COL18A1: variants seen among roughly 807,000 people sequenced by gnomAD.
The protein encoded by COL18A1 is collagen type XVIII alpha 1 chain.
A neutral mutation model predicts 168.0 loss-of-function variants in COL18A1; 133 were observed. The observed-to-expected ratio is 0.79, with a 90% CI of 0.69 to 0.91. The LOEUF is 0.91. Among genes scored for constraint, COL18A1 ranks in the 40% least tolerant of loss-of-function variants. The probability of loss-of-function intolerance (pLI) is 0.00; values close to 1 mark genes in which losing one functional copy is unlikely to be tolerated. For synonymous variants in COL18A1, 949 were observed against 809.0 expected (o/e 1.17, Z -2.94); for missense variants, 2,126 against 1,925.4 (o/e 1.10, Z -1.95).
rs764295559 is a variant in COL18A1, at chr21:45,504,506, CCCCCCG to C, written c.2819_2824del (p.Pro940_Gly942delinsArg). 239 of 1,396,402 alleles carry C rather than the reference CCCCCCG, an allele frequency of 1.7e-4. 2 individuals are homozygous for C. The African/African-American group carries it at 6.5e-3, about 38-fold the overall frequency. 86.5% of individuals were successfully genotyped at this position (1,396,402 alleles called of 1,614,324 possible). On this transcript the variant is annotated inframe_deletion, in exon 34 of 42. Coordinates refer to ENST00000651438, the MANE Select transcript of COL18A1 (RefSeq NM_001379500.1). The stretch of plus-strand genomic sequence containing the variant: ...TTTCTTCGGCTCCAGCCTGCCCGGC[CCCCCCG>C]GCCCCCCAGGCCCCCCAGGCCCACG...
intron 2 of COL18A1, among the ~76,000 whole-genome samples, chr21:45,427,501 C>T (rs1282227884): frequency 1.3e-5 from 2 of 152,294 alleles, no homozygotes; most frequent in African/African-American, 4.8e-5. Context: ...CCATGGGCTC[C>T]GCCTCCCCCA....
Position 45,490,776 on chromosome 21 carries a change from CGGGGGGCCA to C in COL18A1, c.2032-55_2032-47del, listed in dbSNP as rs1204009796. On this transcript the variant is annotated intron_variant, in intron 20 of 41. Coordinates refer to ENST00000651438, the MANE Select transcript of COL18A1 (RefSeq NM_001379500.1). ...ACATCTTCATCAGAGCCATCCCTCA[CGGGGGGCCA>C]GGGGCTCCTGTTTCTGTTGGTGATG... The C allele has an allele frequency of 6.6e-6, 10 of 1,518,516 alleles. No homozygotes were observed. In the East Asian group the frequency reaches 2.0e-4, roughly 30 times the overall value. The allele number at this position is 1,518,516 out of a possible 1,614,324, so 94.1% of individuals were successfully genotyped here.
At position 45,443,517 on chromosome 21, in the gene COL18A1, G is replaced by A. The variant is rs1439671607; in HGVS notation, c.107-24725G>A. ...CTGGCCACCCAGAGCTAGGAGCCTC[G>A]GCCAAGGGCTCCCTCCTTGCACTGT... On this transcript the variant is annotated intron_variant, in intron 2 of 41. Coordinates refer to ENST00000651438, the MANE Select transcript of COL18A1 (RefSeq NM_001379500.1). The surrounding 1 kb of genome is among the most constrained non-coding windows in gnomAD (Gnocchi z 5.2). Among the ~76,000 whole-genome samples, 3 of 152,136 alleles carry A rather than the reference G, an allele frequency of 2.0e-5. No homozygotes were observed. The highest frequency in any genetic ancestry group is 2.9e-5 in the Non-Finnish European group (2 of 67,998).
rs749507428 is a variant in COL18A1 at position 45,505,383 on chromosome 21, C to T, written c.3039C>T (p.Gly1013=). 59 of 1,584,936 alleles carry T rather than the reference C, an allele frequency of 3.7e-5. No homozygotes were observed. Among genetic ancestry groups the T allele is most frequent in the Non-Finnish European group, 5.1e-5 (59 of 1,157,776 alleles). The part of the protein sequence containing the change: ...RQTISVPGPP[G]PPGPPGPPGT... ...CTATCAGCGTTCCCGGCCCTCCGGG[C>T]CCCCCTGGGCCCCCTGGGCCCCCTG... Residue 1013 remains glycine, a synonymous_variant, in exon 36 of 42, where the codon GGC becomes GGT. Coordinates refer to ENST00000651438, the MANE Select transcript of COL18A1 (RefSeq NM_001379500.1).
chr21:45,416,723 G>C (rs2033458465), intron 2 of COL18A1, among the ~76,000 whole-genome samples: 1 of 152,184 alleles, frequency 6.6e-6, no homozygotes, highest in Admixed American at 6.5e-5. Context: ...ACAGTTTCTA[G>C]TTGAACTCCA....
rs1202188173 is a variant in COL18A1 at position 45,463,257 on chromosome 21, G to A, written c.107-4985G>A. Among the ~76,000 whole-genome samples the A allele has an allele frequency of 6.6e-6, 1 of 152,220 alleles. No individual in the cohort carries two copies. The highest frequency in any genetic ancestry group is 6.5e-5 in the Admixed American group (1 of 15,292). On this transcript the variant is annotated intron_variant, in intron 2 of 41. Transcript: ENST00000651438. The surrounding 1 kb of genome is among the most constrained non-coding windows in gnomAD (Gnocchi z 4.0). ...CCTGATCAGAGCACAGGTTCTCGATGTCTGCAGGACAGGGTCCTTTTTGCC... is the reference window on the plus strand; with the variant it reads ...CCTGATCAGAGCACAGGTTCTCGATATCTGCAGGACAGGGTCCTTTTTGCC...
chr21:45,507,300 C>T (rs1205730355), intron 37 of COL18A1: 6 of 535,972 alleles, frequency 1.1e-5, no homozygotes, highest in Non-Finnish European at 1.7e-5. Context: ...GGGTGCTGGG[C>T]AGGGAGGGCA....
chr21:45,505,297 G>T lies in COL18A1; in HGVS notation c.3013+19G>T, dbSNP rs561197506. The T allele has an allele frequency of 2.5e-6, 4 of 1,606,924 alleles. No individual in the cohort carries two copies. In the South Asian group the frequency reaches 3.3e-5, roughly 13 times the overall value. On this transcript the variant is annotated intron_variant, in intron 35 of 41. Coordinates refer to ENST00000651438, the MANE Select transcript of COL18A1 (RefSeq NM_001379500.1). ...AGGCAGAGTAAGTCAGTGGGGAGTGGGCCCCGGGCAGAGGCCGCCTCGTGT... is the reference window on the plus strand; with the variant it reads ...AGGCAGAGTAAGTCAGTGGGGAGTGTGCCCCGGGCAGAGGCCGCCTCGTGT...
rs566996428 is a variant in COL18A1, at chr21:45,412,481, G to A, written c.106+7008G>A. 1.1e-4 allele frequency among the ~76,000 whole-genome samples: 16 copies of A among 152,120 alleles called. No individual in the cohort carries two copies. In the South Asian group the frequency reaches 1.9e-3, roughly 18 times the overall value. On this transcript the variant is annotated intron_variant, in intron 2 of 41. Coordinates refer to ENST00000651438, the MANE Select transcript of COL18A1 (RefSeq NM_001379500.1). ...GGTCTCAAACTCCTGACCTCAGGTG[G>A]TCCACCTGCCTCGGCCTCCCAAAGT...
At position 45,484,103 on chromosome 21, in the gene COL18A1, C is replaced by T. The variant is rs1205157609; in HGVS notation, c.1701+1282C>T. ...TATGTACACACACACACCTCTCCAG[C>T]ATATGTGCACACGCACACACACCTC... On this transcript the variant is annotated intron_variant, in intron 15 of 41. Coordinates refer to ENST00000651438, the MANE Select transcript of COL18A1 (RefSeq NM_001379500.1). Among the ~76,000 whole-genome samples the T allele has an allele frequency of 2.2e-5, 3 of 134,376 alleles. No individual in the cohort carries two copies. The South Asian group carries it at 7.0e-4, about 31-fold the overall frequency. 88.2% of individuals were successfully genotyped at this position (134,376 alleles called of 152,430 possible).
intron 26 of COL18A1, chr21:45,494,248 T>TACCCCCCC (rs2145997618): frequency 6.3e-6 from 3 of 472,528 alleles, no homozygotes; most frequent in Admixed American, 3.3e-5. Context: ...GCACATGCCC[T>TACCCCCCC]CCACCCTCCA....
chr21:45,478,193 G>A (rs1224868726), intron 8 of COL18A1, 134 bp from the exon 9 acceptor site: 12 of 1,174,894 alleles, frequency 1.0e-5, no homozygotes, highest in Non-Finnish European at 1.5e-5. Flanking sequence ...TCCTGGCGCG[G>A]GTGCGAGGAC....
chr21:45,494,538 T>G lies in COL18A1; in HGVS notation c.2353-7T>G. On this transcript the variant is annotated splice_region_variant and splice_polypyrimidine_tract_variant and intron_variant, in intron 26 of 41. Coordinates refer to ENST00000651438, the MANE Select transcript of COL18A1 (RefSeq NM_001379500.1). ...ACCTAACCCTGTCTTCTTGTTTTTT[T>G]GCTCAGGGAGAGCCGGGCTTCCGAG... 6.2e-7 allele frequency: 1 copy of G among 1,613,482 alleles called. No homozygotes were observed. The highest frequency in any genetic ancestry group is 1.1e-5 in the South Asian group (1 of 91,092).
intron 37 of COL18A1, chr21:45,507,194 G>C: frequency 4.0e-6 from 1 of 252,098 alleles, no homozygotes; most frequent in Non-Finnish European, 7.3e-6. Context: ...TGCTGGGCAG[G>C]GAGGGCACCC....
At chr21:45,434,994 C>T (rs2034061317) in intron 2 of COL18A1, among the ~76,000 whole-genome samples, 1 of 151,988 alleles carries the variant, frequency 6.6e-6, no homozygotes, top group Admixed American at 6.6e-5. Context: ...TGGTTCTGAC[C>T]CTGCATGGTT....
At chr21:45,448,291 C>T (rs2034545380) in intron 2 of COL18A1, among the ~76,000 whole-genome samples, 2 of 115,962 alleles carry the variant, frequency 1.7e-5, no homozygotes, top group Non-Finnish European at 3.6e-5. Context: ...TCCATATCCA[C>T]ACACACGCAT....
At chr21:45,429,862 C>A (rs991809837) in intron 2 of COL18A1, among the ~76,000 whole-genome samples, 1 of 151,876 alleles carries the variant, frequency 6.6e-6, no homozygotes, top group Non-Finnish European at 1.5e-5. Flanking sequence ...GTCTCTACAG[C>A]GGTGCCAGGC....
rs1281588819 is a variant in COL18A1, at chr21:45,457,812, G to A, written c.107-10430G>A. 1.3e-5 allele frequency among the ~76,000 whole-genome samples: 2 copies of A among 152,188 alleles called. No individual in the cohort carries two copies. Among genetic ancestry groups the A allele is most frequent in the African/African-American group, 4.8e-5 (2 of 41,448 alleles). ...AGCAGCCTTGCTGTTTGCTCTTTGG[G>A]CTTTGGGACAGGGTTGGTGGGGGTT... On this transcript the variant is annotated intron_variant, in intron 2 of 41. Transcript: ENST00000651438. The surrounding 1 kb of genome is among the most constrained non-coding windows in gnomAD (Gnocchi z 4.6).
intron 20 of COL18A1, 32 bp downstream of exon 20, chr21:45,490,378 G>A: frequency 6.6e-7 from 1 of 1,518,202 alleles, no homozygotes; most frequent in Middle Eastern, 1.8e-4. Flanking sequence ...AGGGTGCAGG[G>A]GGGGCGTGGA....
Sources: allele counts gnomAD v4.1 joint callset (sites outside exome capture counted in the v4.1 genomes callset), GRCh38; gene constraint gnomAD v4.1.1; non-coding constraint Gnocchi (gnomAD v3.1); transcripts MANE v1.5; gene names NCBI Gene and HGNC (gene_info 2026-07-23, HGNC 2026-07-21).